The following ATRN variants were observed in gnomAD, a reference collection of about 807,000 sequenced individuals.
ATRN encodes attractin, also known as attractin-2.
Under a neutral mutation model 178.7 loss-of-function variants are expected in ATRN, and 54 were observed. That is an observed-to-expected ratio of 0.30 (90% CI 0.24 to 0.38). The LOEUF is 0.38. ATRN is among the 10% of genes least tolerant of loss of function. The pLI, the probability that ATRN is intolerant of heterozygous loss-of-function variation, is 1.00. For missense variants in ATRN, 1,443 were observed against 1,815.1 expected (o/e 0.79, Z 3.73); for synonymous variants, 636 against 663.0 (o/e 0.96, Z 0.63).
chr20:3,599,184 G>C (rs180848211), intron 22 of ATRN, among the ~76,000 whole-genome samples: 12 of 152,174 alleles, frequency 7.9e-5, no homozygotes, highest in African/African-American at 2.9e-4. Flanking sequence ...TATATCATTT[G>C]AGTGGCTGTA....
intron 1 of ATRN, among the ~76,000 whole-genome samples, chr20:3,527,077 A>G (rs935659060): frequency 3.3e-5 from 5 of 152,210 alleles, no homozygotes; most frequent in Admixed American, 3.3e-4. Flanking sequence ...AAAATTGACA[A>G]ATGGGATCTA....
Position 3,638,995 on chromosome 20 carries a change from C to G in ATRN, c.4050+60C>G. 7.3e-7 allele frequency: 1 copy of G among 1,373,136 alleles called. No homozygotes were observed. The highest frequency in any genetic ancestry group is 1.0e-6 in the Non-Finnish European group (1 of 982,700). 85.1% of individuals were successfully genotyped at this position (1,373,136 alleles called of 1,614,324 possible). ...CTTTTTAAAACTTAGGCTCCTAAGT[C>G]TGGGAAACCAGAGAGAGCAAAAGCC... On this transcript the variant is annotated intron_variant, in intron 27 of 28. Transcript: ENST00000262919. The surrounding 1 kb of genome is among the most constrained non-coding windows in gnomAD (Gnocchi z 4.5).
chr20:3,548,917 G>A (rs978309406), intron 5 of ATRN, among the ~76,000 whole-genome samples: 6 of 152,032 alleles, frequency 3.9e-5, no homozygotes, highest in African/African-American at 1.2e-4. Flanking sequence ...CCTGAGAGTT[G>A]CTTAAGCAGG....
At chr20:3,611,861 T>A (rs1263478655) in intron 24 of ATRN, among the ~76,000 whole-genome samples, 2 of 151,622 alleles carry the variant, frequency 1.3e-5, no homozygotes, top group Non-Finnish European at 2.9e-5. Flanking sequence ...TTGGAGAGAG[T>A]GGGGAAAGAT....
intron 1 of ATRN, among the ~76,000 whole-genome samples, chr20:3,479,716 T>G (rs2146065433): frequency 6.6e-6 from 1 of 152,326 alleles, no homozygotes; most frequent in South Asian, 2.1e-4. Context: ...GGCCACGATC[T>G]CTCTGAAGAC....
intron 1 of ATRN, among the ~76,000 whole-genome samples, chr20:3,504,190 C>T (rs546141672): frequency 9.9e-5 from 15 of 152,066 alleles, no homozygotes; most frequent in African/African-American, 3.6e-4. Context: ...GAAATTGTGC[C>T]TCAGGAACTA....
At chr20:3,614,258 G>A (rs977633391) in intron 24 of ATRN, among the ~76,000 whole-genome samples, 6 of 152,140 alleles carry the variant, frequency 3.9e-5, no homozygotes, top group Admixed American at 1.3e-4. Context: ...CCAGTAAGCC[G>A]GGGCTCAGCC....
intron 1 of ATRN, among the ~76,000 whole-genome samples, chr20:3,534,749 G>T (rs1351665572): frequency 6.6e-6 from 1 of 152,154 alleles, no homozygotes; most frequent in East Asian, 1.9e-4. Flanking sequence ...TAGGAGGATT[G>T]CTTGAGGCCA....
intron 3 of ATRN, among the ~76,000 whole-genome samples, chr20:3,544,193 A>C (rs1232311769): frequency 6.6e-6 from 1 of 152,164 alleles, no homozygotes; most frequent in Non-Finnish European, 1.5e-5. Context: ...ATTGTTTTGC[A>C]GCTTGCTTCT....
At chr20:3,570,794 G>A (rs1380502833) in intron 11 of ATRN, among the ~76,000 whole-genome samples, 3 of 152,060 alleles carry the variant, frequency 2.0e-5, no homozygotes, top group Admixed American at 6.6e-5. Flanking sequence ...AGTTTTTAAG[G>A]GGTGACAGGA....
Position 3,490,856 on chromosome 20 carries a change from A to G in ATRN, c.410+19339A>G, listed in dbSNP as rs539008689. The G allele has an allele frequency of 7.1e-6, 6 of 844,352 alleles. No individual in the cohort carries two copies. The East Asian group carries it at 1.5e-4, about 20-fold the overall frequency. 52.3% of individuals were successfully genotyped at this position (844,352 alleles called of 1,614,324 possible). On this transcript the variant is annotated intron_variant, in intron 1 of 28. Transcript: ENST00000262919. ...CATCATACAGATCCCTCAGGTTCCC[A>G]CTGACCTCCATATACCTATCTTGCA...
intron 1 of ATRN, among the ~76,000 whole-genome samples, chr20:3,507,053 G>GTT (rs1042386520): frequency 6.5e-5 from 9 of 138,682 alleles, no homozygotes; most frequent in Admixed American, 2.9e-4. Context: ...GGGAGGTTTT[G>GTT]TTTTTTTTTT....
At chr20:3,542,553 C>T (rs1474452519) in intron 3 of ATRN, among the ~76,000 whole-genome samples, 2 of 147,732 alleles carry the variant, frequency 1.4e-5, no homozygotes, top group Non-Finnish European at 3.0e-5. Context: ...CTTCCCCTTC[C>T]CCCTTCCACC....
chr20:3,610,047 G>C (rs577295687), intron 24 of ATRN, among the ~76,000 whole-genome samples: 1 of 152,222 alleles, frequency 6.6e-6, no homozygotes, highest in African/African-American at 2.4e-5. Flanking sequence ...AGTGATATTG[G>C]TTGCACAAAA....
intron 16 of ATRN, among the ~76,000 whole-genome samples, chr20:3,583,420 T>A (rs1403405001): frequency 6.6e-6 from 1 of 152,220 alleles, no homozygotes; most frequent in Non-Finnish European, 1.5e-5. Flanking sequence ...AGTGTGTAAA[T>A]ACACTTGACT....
At chr20:3,521,819 G>C (rs551149748) in intron 1 of ATRN, among the ~76,000 whole-genome samples, 4 of 152,268 alleles carry the variant, frequency 2.6e-5, no homozygotes, top group Non-Finnish European at 4.4e-5. Flanking sequence ...GGTCTCGCTT[G>C]CTCTGTCACC....
chr20:3,630,217 CCTCA>C (rs2086979192), intron 25 of ATRN, among the ~76,000 whole-genome samples: 1 of 152,172 alleles, frequency 6.6e-6, no homozygotes, highest in Non-Finnish European at 1.5e-5. Flanking sequence ...TCCCCTTGTT[CCTCA>C]CTCCTGTAGA....
rs55701286 is a variant in ATRN at position 3,619,340 on chromosome 20, C to T, written c.3802-5171C>T. On this transcript the variant is annotated intron_variant, in intron 24 of 28. Coordinates refer to ENST00000262919, the MANE Select transcript of ATRN (RefSeq NM_139321.3). ...TACATAAAGTGTAATTAGTTCTGCACCACGGTGTCTTACCTTCTGAAAAGG... is the reference window on the plus strand; with the variant it reads ...TACATAAAGTGTAATTAGTTCTGCATCACGGTGTCTTACCTTCTGAAAAGG... Among the ~76,000 whole-genome samples, 963 of 152,316 alleles carry T rather than the reference C, an allele frequency of 6.3e-3. 7 individuals carry two copies. Among genetic ancestry groups the T allele is most frequent in the African/African-American group, 0.021 (889 of 41,572 alleles).
At chr20:3,590,112 G>A (rs2086418687) in intron 18 of ATRN, among the ~76,000 whole-genome samples, 1 of 152,056 alleles carries the variant, frequency 6.6e-6, no homozygotes, top group African/African-American at 2.4e-5. Context: ...ACCACCTCTG[G>A]CTAATTTTTT....
Sources: allele counts gnomAD v4.1 joint callset (sites outside exome capture counted in the v4.1 genomes callset), GRCh38; gene constraint gnomAD v4.1.1; non-coding constraint Gnocchi (gnomAD v3.1); transcripts MANE v1.5; gene names NCBI Gene and HGNC (gene_info 2026-07-23, HGNC 2026-07-21).